SYNE2: variants seen among roughly 807,000 people sequenced by gnomAD.
The protein encoded by SYNE2 is nesprin-2.
In SYNE2, 431 loss-of-function variants were observed where a neutral mutation model predicts 856.3. The observed-to-expected ratio is 0.50, with a 90% CI of 0.47 to 0.55. The LOEUF is 0.55. SYNE2 is among the 20% of genes least tolerant of loss of function. The pLI is 0.00. For synonymous variants in SYNE2, 2,923 were observed against 2,872.3 expected, an observed-to-expected ratio of 1.02 and a Z score of -0.56; for missense variants, 8,129 against 8,023.2, an observed-to-expected ratio of 1.01 and a Z score of -0.50.
intron 8 of SYNE2, 71 bp downstream of exon 8, chr14:63,954,986 A>G (rs2096222151): frequency 1.6e-6 from 2 of 1,278,268 alleles, no homozygotes; most frequent in Admixed American, 3.5e-5. Flanking sequence ...AATAGTATCT[A>G]TACATGAATA....
At chr14:64,215,202 T>C in intron 106 of SYNE2, 84 bp from the exon 107 acceptor site, 1 of 1,231,928 alleles carries the variant, frequency 8.1e-7, no homozygotes, top group Non-Finnish European at 1.2e-6. Context: ...TCCTTCCAGC[T>C]GACAATGTTT....
chr14:63,923,804 CT>C (rs527470602), intron 2 of SYNE2, among the ~76,000 whole-genome samples: 330 of 144,388 alleles, frequency 2.3e-3, no homozygotes, highest in Middle Eastern at 3.6e-3. Context: ...GATTTTAGAA[CT>C]TTTTTTTTTT....
At chr14:64,212,678 A>T in intron 104 of SYNE2, 133 bp from the exon 105 acceptor site, 1 of 827,864 alleles carries the variant, frequency 1.2e-6, no homozygotes, top group Non-Finnish European at 2.0e-6. Flanking sequence ...TAAAAACTAA[A>T]GCTAGAGTAG....
chr14:64,141,238 G>A (rs1192467118), intron 80 of SYNE2, 103 bp from the exon 81 acceptor site: 9 of 883,826 alleles, frequency 1.0e-5, no homozygotes, highest in East Asian at 8.0e-5. Flanking sequence ...ATACACATTC[G>A]TATATTTACT....
In SYNE2 at chr14:64,141,497, C is replaced by T; in HGVS notation, c.15133C>T (p.Pro5045Ser). Residue 5045 changes from proline (P) to serine (S), a missense_variant, in exon 81 of 116, where the codon CCA (proline) becomes TCA (serine). Pro to Ser is a moderately conservative substitution (Grantham distance 74, BLOSUM62 -1). Around this residue, in one of 3 missense-constraint regions of SYNE2, gnomAD observed 5,410 missense variants for 5,284.8 expected, o/e 1.02. Coordinates refer to ENST00000555002, the MANE Select transcript of SYNE2 (RefSeq NM_182914.3). Reference sequence around the variant, plus strand: ...ATGGACAATGCTCATAACTCAACTTCCAGATATTCAAGAAAAACTTCACCA... The same window carrying T: ...ATGGACAATGCTCATAACTCAACTTTCAGATATTCAAGAAAAACTTCACCA... Reference protein sequence around the residue: ...QKWTMLITQLPDIQEKLHQLQ... With the variant: ...QKWTMLITQLSDIQEKLHQLQ... 1 of 1,614,012 alleles carries T rather than the reference C, an allele frequency of 6.2e-7. No homozygotes were observed. Among genetic ancestry groups the T allele is most frequent in the Non-Finnish European group, 8.5e-7 (1 of 1,179,954 alleles).
intron 100 of SYNE2, among the ~76,000 whole-genome samples, chr14:64,203,629 C>T (rs2098589767): frequency 6.6e-6 from 1 of 152,198 alleles, no homozygotes; most frequent in African/African-American, 2.4e-5. Context: ...CATGCTCATT[C>T]TCACTTGTAA....
rs7229 is a variant in SYNE2, at chr14:64,226,107, G to A, written c.*581G>A. On this transcript the variant is annotated 3_prime_UTR_variant, in exon 116 of 116. Coordinates refer to ENST00000555002, the MANE Select transcript of SYNE2 (RefSeq NM_182914.3). ...ATTGCTTTAAATTTTTAAAGAAATT[G>A]TATTGCATGGATGTGGTTATTTGTG... is the stretch of plus-strand genomic sequence containing the variant. The A allele has an allele frequency of 0.66, 102,960 of 157,060 alleles. 35,459 individuals are homozygous for A. Among genetic ancestry groups the A allele is most frequent in the African/African-American group, 0.89 (37,102 of 41,570 alleles). The allele number at this position is 157,060 out of a possible 1,614,324, so 9.7% of individuals were successfully genotyped here.
chr14:63,956,393 A>G (rs2096242158), intron 8 of SYNE2: 1 of 456,342 alleles, frequency 2.2e-6, no homozygotes, highest in Non-Finnish European at 4.4e-6. Context: ...GTGCATTTAT[A>G]TGATTTAATT....
intron 84 of SYNE2, among the ~76,000 whole-genome samples, chr14:64,150,615 T>G (rs1355282029): frequency 1.2e-4 from 19 of 152,196 alleles, no homozygotes; most frequent in Non-Finnish European, 1.5e-5. Flanking sequence ...CTTACCAGTT[T>G]TCTTTACATT....
chr14:64,038,168 G>A (rs867060178), intron 45 of SYNE2, among the ~76,000 whole-genome samples: 147 of 152,018 alleles, frequency 9.7e-4, no homozygotes, highest in African/African-American at 3.2e-3. Flanking sequence ...CAGACGGGGC[G>A]GCGGGGCAGA....
intron 13 of SYNE2, 127 bp downstream of exon 13, chr14:63,978,144 A>G (rs1398637020): frequency 2.7e-6 from 2 of 727,316 alleles, no homozygotes; most frequent in African/African-American, 3.5e-5. Context: ...AAATCTTGAT[A>G]ACAGTATCTT....
At chr14:63,826,871 A>C (rs1889450135) in intron 1 of SYNE2, among the ~76,000 whole-genome samples, 1 of 152,232 alleles carries the variant, frequency 6.6e-6, no homozygotes, top group South Asian at 2.1e-4. Flanking sequence ...ATCAAAAGTA[A>C]AAACTTTTGA....
intron 6 of SYNE2, among the ~76,000 whole-genome samples, chr14:63,943,460 AAC>A (rs1253344155): frequency 6.6e-6 from 1 of 152,172 alleles, no homozygotes; most frequent in Non-Finnish European, 1.5e-5. Context: ...TAGCATAACT[AAC>A]ATATAAAATT....
chr14:64,113,334 C>G lies in SYNE2; in HGVS notation c.12610-7C>G. The G allele has an allele frequency of 6.2e-7, 1 of 1,613,590 alleles. No individual in the cohort carries two copies. Among genetic ancestry groups the G allele is most frequent in the Non-Finnish European group, 8.5e-7 (1 of 1,180,024 alleles). Reference sequence around the variant, plus strand: ...GACTCCCTGGCTTATCTTTGGATTTCTCTTAGGGCACCACACCTCCTATTG... The same window carrying G: ...GACTCCCTGGCTTATCTTTGGATTTGTCTTAGGGCACCACACCTCCTATTG... On this transcript the variant is annotated splice_region_variant and splice_polypyrimidine_tract_variant and intron_variant, in intron 65 of 115. Coordinates refer to ENST00000555002, the MANE Select transcript of SYNE2 (RefSeq NM_182914.3).
rs2096924669 is a variant in SYNE2 at position 64,020,010 on chromosome 14, G to A, written c.5068G>A (p.Glu1690Lys). 1 of 1,612,682 alleles carries A rather than the reference G, an allele frequency of 6.2e-7. No homozygotes were observed. The highest frequency in any genetic ancestry group is 8.5e-7 in the Non-Finnish European group (1 of 1,178,816). The change falls in exon 35 of 116, where the codon GAA (glutamate) becomes AAA (lysine). Residue 1690 changes from glutamate to lysine, a missense_variant. Coordinates refer to ENST00000555002, the MANE Select transcript of SYNE2 (RefSeq NM_182914.3). ...ERLKEELQVH[E>K]QKTSEFSRRV... ...GTTTTAGGAAGAATTACAAGTCCATGAACAAAAAACTTCAGAATTTTCTAG... is the reference window on the plus strand; with the variant it reads ...GTTTTAGGAAGAATTACAAGTCCATAAACAAAAAACTTCAGAATTTTCTAG...
chr14:63,999,601 CAG>C (rs1163984178), intron 27 of SYNE2, among the ~76,000 whole-genome samples: 2 of 152,222 alleles, frequency 1.3e-5, no homozygotes. Context: ...GCAGTTGACT[CAG>C]AAACAACAGA....
chr14:63,820,023 T>A (rs551547389), intron 1 of SYNE2, among the ~76,000 whole-genome samples: 32 of 152,296 alleles, frequency 2.1e-4, no homozygotes, highest in Admixed American at 5.2e-4. Context: ...AGTCTTTTTT[T>A]AATTTATTTT....
intron 20 of SYNE2, among the ~76,000 whole-genome samples, 176 bp from the exon 21 acceptor site, chr14:63,990,766 A>G (rs1378758067): frequency 2.0e-5 from 3 of 152,202 alleles, no homozygotes; most frequent in Non-Finnish European, 4.4e-5. Context: ...GTATATAAGT[A>G]TCAATTTGGA....
intron 1 of SYNE2, among the ~76,000 whole-genome samples, chr14:63,868,193 T>G (rs777294618): frequency 2.9e-4 from 44 of 152,204 alleles, no homozygotes; most frequent in Non-Finnish European, 5.4e-4. Context: ...ATGTTGGTGA[T>G]TTGAAAGGTG....
Sources: allele counts gnomAD v4.1 joint callset (sites outside exome capture counted in the v4.1 genomes callset), GRCh38; gene constraint gnomAD v4.1.1; regional missense constraint gnomAD v4.1.1; transcripts MANE v1.5; gene names NCBI Gene and HGNC (gene_info 2026-07-23, HGNC 2026-07-21).